The following ANKRD31 variants were observed in gnomAD, a reference collection of about 807,000 sequenced individuals.
ANKRD31 encodes the protein ankyrin repeat domain-containing protein 31.
In ANKRD31, 147 loss-of-function variants were observed where a neutral mutation model predicts 186.0. The observed-to-expected ratio is 0.79, with a 90% CI of 0.69 to 0.91. The LOEUF is 0.91. ANKRD31 is among the 40% of genes least tolerant of loss of function. The probability of loss-of-function intolerance (pLI) is 0.00; values close to 1 mark genes in which losing one functional copy is unlikely to be tolerated. For missense variants in ANKRD31, 1,986 were observed against 2,148.8 expected, an observed-to-expected ratio of 0.92 and a Z score of 1.50; for synonymous variants, 673 against 736.4, an observed-to-expected ratio of 0.91 and a Z score of 1.39.
intron 11 of ANKRD31, among the ~76,000 whole-genome samples, chr5:75,162,235 C>T (rs1752616635): frequency 6.6e-6 from 1 of 152,218 alleles, no homozygotes; most frequent in Admixed American, 6.5e-5. Context: ...CTGCCCACGA[C>T]CATGGAAACC....
At chr5:75,203,456 G>C (rs572622067) in intron 5 of ANKRD31, among the ~76,000 whole-genome samples, 7 of 152,028 alleles carry the variant, frequency 4.6e-5, no homozygotes, top group Non-Finnish European at 1.0e-4. Flanking sequence ...ATGAGGTCAC[G>C]AGTTTAAGAC....
chr5:75,107,424 G>T, intron 21 of ANKRD31, 97 bp downstream of exon 21: 2 of 809,554 alleles, frequency 2.5e-6, no homozygotes, highest in Non-Finnish European at 3.8e-6. Context: ...CCCAAGCAGT[G>T]TTTGTATTCT....
At chr5:75,081,184 T>C (rs980889447) in intron 24 of ANKRD31, among the ~76,000 whole-genome samples, 1 of 152,210 alleles carries the variant, frequency 6.6e-6, no homozygotes, top group Non-Finnish European at 1.5e-5. Context: ...GCTCTGCCTA[T>C]AGATTCTTAG....
intron 3 of ANKRD31, 76 bp downstream of exon 3, chr5:75,222,173 C>A: frequency 4.0e-6 from 4 of 1,012,416 alleles, no homozygotes; most frequent in African/African-American, 1.7e-5. Flanking sequence ...AAAGAATTAT[C>A]ATTAGTAATT....
chr5:75,206,864 T>C (rs1251851232), intron 4 of ANKRD31, among the ~76,000 whole-genome samples: 1 of 152,188 alleles, frequency 6.6e-6, no homozygotes, highest in East Asian at 1.9e-4. Flanking sequence ...TAGTTTGTCA[T>C]TAGTTTTAGA....
In ANKRD31 at chr5:75,091,411, A is replaced by C; in HGVS notation, c.5332-10T>G. 6.6e-7 allele frequency: 1 copy of C among 1,516,848 alleles called. No individual in the cohort carries two copies. Among genetic ancestry groups the C allele is most frequent in the Non-Finnish European group, 8.8e-7 (1 of 1,140,240 alleles). 94.0% of individuals were successfully genotyped at this position (1,516,848 alleles called of 1,614,324 possible). A position where few individuals can be genotyped will look rare whatever the true frequency, so the allele number is the denominator to read the frequency against. On this transcript the variant is annotated splice_polypyrimidine_tract_variant and intron_variant, in intron 22 of 25. Transcript: ENST00000506364. ...CTTTGTGGGTAGTCTCCTGAAGTGA[A>C]AAATAAAACAGAAATTAAGGTCAAA...
chr5:75,129,216 C>T (rs985259303), intron 17 of ANKRD31, among the ~76,000 whole-genome samples: 5 of 152,180 alleles, frequency 3.3e-5, no homozygotes, highest in African/African-American at 1.2e-4. Context: ...CTACCCTTCA[C>T]CTTCCACCAT....
In ANKRD31 at chr5:75,092,586, G is replaced by A. The variant is rs190808933; in HGVS notation, c.5332-1185C>T. 1.2e-4 allele frequency among the ~76,000 whole-genome samples: 18 copies of A among 152,258 alleles called. No individual in the cohort carries two copies. The East Asian group carries it at 2.5e-3, about 21-fold the overall frequency. On this transcript the variant is annotated intron_variant, in intron 22 of 25. Transcript: ENST00000506364. ...GTGGGGACTTCACTAAAACAATCTA[G>A]CCAGTAATTAAACAAACAAGCAAAT...
intron 3 of ANKRD31, among the ~76,000 whole-genome samples, chr5:75,217,884 T>C (rs1757055470): frequency 6.6e-6 from 1 of 152,198 alleles, no homozygotes; most frequent in Non-Finnish European, 1.5e-5. Context: ...GTTTTTGTAG[T>C]GGCTGGTAAC....
chr5:75,137,351 T>G (rs892562156), intron 17 of ANKRD31, among the ~76,000 whole-genome samples: 1 of 152,154 alleles, frequency 6.6e-6, no homozygotes. Flanking sequence ...GTCAGTGTCA[T>G]TGAAATAATG....
rs1317087316 is a variant in ANKRD31 at position 75,199,679 on chromosome 5, A to G, written c.404-5T>C. 13 of 1,531,976 alleles carry G rather than the reference A, an allele frequency of 8.5e-6. No individual in the cohort carries two copies. In the South Asian group the frequency reaches 9.6e-5, roughly 11 times the overall value. 94.9% of individuals were successfully genotyped at this position (1,531,976 alleles called of 1,614,324 possible). On this transcript the variant is annotated splice_region_variant and splice_polypyrimidine_tract_variant and intron_variant, in intron 5 of 25. Coordinates refer to ENST00000506364, the MANE Select transcript of ANKRD31 (RefSeq NM_001372053.1). ...CAGGACTTTCAGCCTCTGGCCCTAG[A>G]AAAAAACAATGTGTTTTCATTCCAG...
intron 25 of ANKRD31, among the ~76,000 whole-genome samples, chr5:75,076,833 G>C (rs1744688302): frequency 6.6e-6 from 1 of 152,066 alleles, no homozygotes; most frequent in South Asian, 2.1e-4. Context: ...CACTGTGGCA[G>C]GAATTAGCGA....
chr5:75,198,481 T>C (rs1054411885), intron 6 of ANKRD31, among the ~76,000 whole-genome samples: 6 of 152,168 alleles, frequency 3.9e-5, no homozygotes, highest in Admixed American at 3.3e-4. Context: ...GTTAAACAAG[T>C]TACTTTGTGA....
chr5:75,121,546 C>T (rs1258998168), intron 17 of ANKRD31, among the ~76,000 whole-genome samples: 1 of 151,986 alleles, frequency 6.6e-6, no homozygotes, highest in East Asian at 1.9e-4. Context: ...CCAAATAGAC[C>T]ATATGTTAGG....
At chr5:75,233,272 A>G (rs74672124) in intron 1 of ANKRD31, among the ~76,000 whole-genome samples, 2 of 151,896 alleles carry the variant, frequency 1.3e-5, no homozygotes, top group Non-Finnish European at 2.9e-5. Flanking sequence ...CTTGTTGGCC[A>G]GGCTGGTCTC....
rs1416695141 is a variant in ANKRD31, at chr5:75,166,243, G to T, written c.1707+2736C>A. Among the ~76,000 whole-genome samples the T allele has an allele frequency of 8.5e-5, 13 of 152,302 alleles. No homozygotes were observed. In the East Asian group the frequency reaches 2.5e-3, roughly 29 times the overall value. On this transcript the variant is annotated intron_variant, in intron 11 of 25. Transcript: ENST00000506364. ...CCAGCACTTTGGGAGGCCTAGGCGG[G>T]CGGATCACTTGAGGCCAGGAGCTCA...
chr5:75,159,932 T>C (rs915408551), intron 11 of ANKRD31, among the ~76,000 whole-genome samples: 1 of 152,092 alleles, frequency 6.6e-6, no homozygotes, highest in Non-Finnish European at 1.5e-5. Flanking sequence ...TGTAATATAC[T>C]TGATAATAAT....
At chr5:75,205,847 G>C (rs1756144561) in intron 5 of ANKRD31, among the ~76,000 whole-genome samples, 1 of 151,994 alleles carries the variant, frequency 6.6e-6, no homozygotes, top group East Asian at 1.9e-4. Context: ...GAGATAGACA[G>C]CTATCCTCTA....
chr5:75,204,870 G>A (rs1756055514), intron 5 of ANKRD31, among the ~76,000 whole-genome samples: 1 of 152,094 alleles, frequency 6.6e-6, no homozygotes, highest in Non-Finnish European at 1.5e-5. Context: ...ATATTAACAG[G>A]CCCCCAATTC....
Sources: allele counts gnomAD v4.1 joint callset (sites outside exome capture counted in the v4.1 genomes callset), GRCh38; gene constraint gnomAD v4.1.1; transcripts MANE v1.5; gene names NCBI Gene and HGNC (gene_info 2026-07-23, HGNC 2026-07-21).